The following STRADB variants were observed in gnomAD, a reference collection of about 807,000 sequenced individuals.
STRADB encodes STE20-related kinase adapter protein beta.
STRADB carries 34 observed loss-of-function variants against 52.1 expected under a neutral mutation model. That is an observed-to-expected ratio of 0.65 (90% confidence interval 0.50 to 0.87). STRADB has a LOEUF of 0.87. Among genes scored for constraint, STRADB ranks in the 40% least tolerant of loss-of-function variants. The pLI is 0.00. For synonymous variants in STRADB, 133 were observed against 174.5 expected (o/e 0.76, Z 1.87); for missense variants, 340 against 483.9 (o/e 0.70, Z 2.79).
chr2:201,478,048 A>T, intron 8 of STRADB, 39 bp from the exon 9 acceptor site: 1 of 1,536,300 alleles, frequency 6.5e-7, no homozygotes, highest in Non-Finnish European at 8.9e-7. Flanking sequence ...TGGTTAACTT[A>T]TTTGCACTAA....
intron 3 of STRADB, among the ~76,000 whole-genome samples, chr2:201,463,241 G>A (rs557663089): frequency 1.2e-4 from 18 of 149,284 alleles, no homozygotes; most frequent in Non-Finnish European, 2.5e-4. Flanking sequence ...GGAGGCTGAG[G>A]CAGAATTGCT....
intron 6 of STRADB, among the ~76,000 whole-genome samples, chr2:201,475,366 C>T (rs1574293492): frequency 6.6e-6 from 1 of 151,634 alleles, no homozygotes; most frequent in Non-Finnish European, 1.5e-5. Context: ...TATATATATA[C>T]ACACAGAATG....
At chr2:201,477,579 C>T (rs753049646) in intron 7 of STRADB, 40 bp from the exon 8 acceptor site, 6 of 1,556,838 alleles carry the variant, frequency 3.9e-6, no homozygotes, top group Non-Finnish European at 5.3e-6. Flanking sequence ...TCTTCATTGG[C>T]CAGTTTCCTG....
intron 3 of STRADB, among the ~76,000 whole-genome samples, chr2:201,465,596 G>A (rs1952288427): frequency 6.6e-6 from 1 of 152,174 alleles, no homozygotes; most frequent in African/African-American, 2.4e-5. Flanking sequence ...CACTCCCTTG[G>A]CTGCCCTGAC....
chr2:201,460,342 G>A (rs1349039122), intron 3 of STRADB, among the ~76,000 whole-genome samples: 2 of 151,886 alleles, frequency 1.3e-5, no homozygotes, highest in South Asian at 2.1e-4. Context: ...ATGGGTAAAT[G>A]GTTTATCTAT....
chr2:201,477,479 T>C, intron 7 of STRADB, 140 bp from the exon 8 acceptor site: 1 of 761,526 alleles, frequency 1.3e-6, no homozygotes, highest in South Asian at 2.0e-5. Flanking sequence ...AGTTTTGCAG[T>C]ACTGTTTTGC....
At position 201,458,783 on chromosome 2, in the gene STRADB, G is replaced by A. The variant is rs1317404047; in HGVS notation, c.13-1G>A. On this transcript the variant is annotated splice_acceptor_variant, in intron 2 of 11. Coordinates refer to ENST00000194530, the MANE Select transcript of STRADB (RefSeq NM_018571.6). LOFTEE classifies it high-confidence loss of function. The stretch of plus-strand genomic sequence containing the variant: ...TTATATAATGCATTTCTGACTTCCA[G>A]GATTGCTTCTGCACTTCAAGAACAC... 1.2e-6 allele frequency: 2 copies of A among 1,612,914 alleles called. No homozygotes were observed. The highest frequency in any genetic ancestry group is 1.7e-6 in the Non-Finnish European group (2 of 1,179,510).
chr2:201,470,117 A>AATCT, intron 4 of STRADB, 65 bp downstream of exon 4: 6 of 1,262,752 alleles, frequency 4.8e-6, no homozygotes, highest in Non-Finnish European at 6.9e-6. Context: ...CAAAAAGATT[A>AATCT]TTTTGTGGGC....
At chr2:201,463,189 T>C (rs972438934) in intron 3 of STRADB, among the ~76,000 whole-genome samples, 1 of 152,100 alleles carries the variant, frequency 6.6e-6, no homozygotes, top group Non-Finnish European at 1.5e-5. Context: ...TACAAAAAAT[T>C]AGCTGGGCGT....
intron 5 of STRADB, among the ~76,000 whole-genome samples, chr2:201,473,888 C>CTTTTT (rs889640879): frequency 3.5e-5 from 4 of 115,722 alleles, no homozygotes; most frequent in East Asian, 2.4e-4. Context: ...TGTTCCAATT[C>CTTTTT]TTTTTTTTTT....
chr2:201,460,732 A>G (rs746811771), intron 3 of STRADB: 11 of 289,484 alleles, frequency 3.8e-5, no homozygotes, highest in Admixed American at 1.3e-4. Flanking sequence ...TCCATTGTAC[A>G]TATGTACCAC....
At chr2:201,475,460 C>T (rs998238832) in intron 6 of STRADB, among the ~76,000 whole-genome samples, 159 bp from the exon 7 acceptor site, 1 of 152,098 alleles carries the variant, frequency 6.6e-6, no homozygotes, top group African/African-American at 2.4e-5. Flanking sequence ...TTTAAAGATT[C>T]TTGAAAGAAA....
intron 6 of STRADB, among the ~76,000 whole-genome samples, 170 bp downstream of exon 6, chr2:201,474,925 G>GA (rs1367153271): frequency 2.0e-5 from 3 of 152,202 alleles, no homozygotes; most frequent in African/African-American, 4.8e-5. Context: ...TTAGTCTGCA[G>GA]AAAAAAGTAA....
In STRADB at chr2:201,473,068, G is replaced by C. The variant is rs781754646; in HGVS notation, c.307G>C (p.Ala103Pro). The change falls in exon 5 of 12, where the codon GCT becomes CCT. Residue 103 changes from alanine to proline, a missense_variant. Coordinates refer to ENST00000194530, the MANE Select transcript of STRADB (RefSeq NM_018571.6). ...AAACTGCAATGAAGAACGCCTGAAAGCTTTACAGGTAACAATATGAAGAAA... is the reference window on the plus strand; with the variant it reads ...AAACTGCAATGAAGAACGCCTGAAACCTTTACAGGTAACAATATGAAGAAA... ...LENCNEERLK[A>P]LQKAVILSHF... is the part of the protein sequence containing the mutation. 9 of 1,611,766 alleles carry C rather than the reference G, an allele frequency of 5.6e-6. No individual in the cohort carries two copies. In the East Asian group the frequency reaches 1.8e-4, roughly 32 times the overall value.
chr2:201,466,908 GA>G (rs1952312934), intron 3 of STRADB, among the ~76,000 whole-genome samples: 1 of 152,114 alleles, frequency 6.6e-6, no homozygotes, highest in Non-Finnish European at 1.5e-5. Flanking sequence ...TAGAAAAATA[GA>G]AACATACAGA....
chr2:201,480,148 T>G lies in STRADB; in HGVS notation c.1230T>G (p.Asp410Glu). 4 of 1,613,818 alleles carry G rather than the reference T, an allele frequency of 2.5e-6. No homozygotes were observed. The highest frequency in any genetic ancestry group is 3.4e-6 in the Non-Finnish European group (4 of 1,179,772). The change falls in exon 12 of 12, where the codon GAT becomes GAG. Residue 410 changes from aspartate to glutamate, a missense_variant. By Grantham distance (45) the Asp-to-Glu change is conservative (BLOSUM62 2). Coordinates refer to ENST00000194530, the MANE Select transcript of STRADB (RefSeq NM_018571.6). ...PWTEPECDFP[D>E]EKDSYWEF ...CTGAGCCAGAATGTGATTTTCCTGATGAAAAAGACTCATACTGGGAATTCT... is the reference window on the plus strand; with the variant it reads ...CTGAGCCAGAATGTGATTTTCCTGAGGAAAAAGACTCATACTGGGAATTCT...
intron 3 of STRADB, among the ~76,000 whole-genome samples, chr2:201,459,239 G>A (rs1952175799): frequency 6.6e-6 from 1 of 151,998 alleles, no homozygotes; most frequent in Admixed American, 6.6e-5. Flanking sequence ...GATTGTCCTG[G>A]AGTTACCACA....
chr2:201,474,615 T>C, intron 5 of STRADB, 32 bp from the exon 6 acceptor site: 1 of 1,581,146 alleles, frequency 6.3e-7, no homozygotes, highest in South Asian at 1.1e-5. Context: ...CAGTTGTTTT[T>C]AAATGTCTTG....
Position 201,469,934 on chromosome 2 carries a change from T to C in STRADB, c.94-19T>C, listed in dbSNP as rs1176448957. The C allele has an allele frequency of 6.9e-6, 11 of 1,595,952 alleles. No individual in the cohort carries two copies. The highest frequency in any genetic ancestry group is 9.4e-6 in the Non-Finnish European group (11 of 1,165,294). ...AAGAAGTTCATCTATTTTGTTTTTA[T>C]CTTTAAAAACAAATGCAGGTTGATG... is the stretch of plus-strand genomic sequence containing the variant. On this transcript the variant is annotated intron_variant, in intron 3 of 11. Transcript: ENST00000194530.
Sources: gnomAD v4.1 joint callset for allele counts (sites outside exome capture counted in the v4.1 genomes callset) on GRCh38, gnomAD v4.1.1 for gene constraint, MANE v1.5 for transcripts, NCBI Gene and HGNC (gene_info 2026-07-23, HGNC 2026-07-21) for gene names.